THAP12: variants seen among roughly 807,000 people sequenced by gnomAD.
THAP12 encodes the protein THAP domain containing 12.
Under a neutral mutation model 63.0 loss-of-function variants are expected in THAP12, and 20 were observed. The observed-to-expected ratio is 0.32, with a 90% CI of 0.22 to 0.46. THAP12 has a LOEUF of 0.46. Among genes scored for constraint, THAP12 ranks in the 20% least tolerant of loss-of-function variants. THAP12 has a pLI of 1.00. For synonymous variants in THAP12, 264 were observed against 328.4 expected (o/e 0.80, Z 2.12); for missense variants, 568 against 908.2 (o/e 0.63, Z 4.81).
At chr11:76,365,213 T>A (rs1172959631) in intron 2 of THAP12, among the ~76,000 whole-genome samples, 2 of 140,410 alleles carry the variant, frequency 1.4e-5, no homozygotes, top group African/African-American at 5.4e-5. Context: ...GCCCAGGAGG[T>A]GGGGGAGGTG....
In THAP12 at chr11:76,355,652, A is replaced by G; in HGVS notation, c.321T>C (p.Ser107=). 6.3e-7 allele frequency: 1 copy of G among 1,592,736 alleles called. No homozygotes were observed. The highest frequency in any genetic ancestry group is 1.8e-5 in the Admixed American group (1 of 56,450). ...SRHRKRIKEL[S]EDEIRTLKQK... is the part of the protein sequence containing the mutation. ...GTTTCAGTGTCCTGATTTCATCTTC[A>G]CTCTAAATGTCAAGAAAAAAAAAGA... is the stretch of plus-strand genomic sequence containing the variant. Residue 107 remains serine (S), a splice_region_variant and synonymous_variant, in exon 4 of 5, where the codon AGT becomes AGC. Transcript: ENST00000260045.
At position 76,350,683 on chromosome 11, in the gene THAP12, A is replaced by T; in HGVS notation, c.*181T>A. ...TTTCAACGTTCTCTTCTGGAAGAAC[A>T]GGTAGGTCTTCAAAGCTTGAGAGTT... On this transcript the variant is annotated 3_prime_UTR_variant, in exon 5 of 5. Transcript: ENST00000260045. 1.9e-6 allele frequency: 1 copy of T among 522,138 alleles called. No individual in the cohort carries two copies. Among genetic ancestry groups the T allele is most frequent in the Non-Finnish European group, 3.1e-6 (1 of 326,890 alleles). 32.3% of individuals were successfully genotyped at this position (522,138 alleles called of 1,614,324 possible). A position where few individuals can be genotyped will look rare whatever the true frequency, so the allele number is the denominator to read the frequency against.
At chr11:76,369,366 A>C (rs1422638275) in intron 1 of THAP12, among the ~76,000 whole-genome samples, 3 of 152,258 alleles carry the variant, frequency 2.0e-5, no homozygotes, top group African/African-American at 7.2e-5. Flanking sequence ...TCACAAACGT[A>C]ATGTTAAGCA....
chr11:76,375,047 T>C (rs956894824), intron 1 of THAP12, among the ~76,000 whole-genome samples: 1 of 152,198 alleles, frequency 6.6e-6, no homozygotes, highest in Non-Finnish European at 1.5e-5. Context: ...TGTTTAAAAA[T>C]CACCTAGTCT....
intron 3 of THAP12, 92 bp downstream of exon 3, chr11:76,360,864 G>A (rs1565232755): frequency 1.2e-6 from 1 of 843,104 alleles, no homozygotes. Flanking sequence ...GAAATAGAGA[G>A]TAATTTGGAT....
intron 3 of THAP12, chr11:76,357,013 G>C (rs1946565938): frequency 6.6e-6 from 1 of 151,438 alleles, no homozygotes; most frequent in Non-Finnish European, 1.5e-5. Context: ...TTGCACTCCA[G>C]CCTGGGCAAC....
At chr11:76,358,459 G>A (rs1353328974) in intron 3 of THAP12, 1 of 152,144 alleles carries the variant, frequency 6.6e-6, no homozygotes, top group Admixed American at 6.5e-5. Flanking sequence ...TGAAAAAAAT[G>A]AACTTGTCTA....
chr11:76,371,815 T>C (rs1055734592), intron 1 of THAP12, among the ~76,000 whole-genome samples: 11 of 142,160 alleles, frequency 7.7e-5, no homozygotes, highest in Admixed American at 1.4e-4. Flanking sequence ...CTTTTCTTTT[T>C]TTTTTTTTTT....
chr11:76,365,939 T>C lies in THAP12; in HGVS notation c.123A>G (p.Ala41=). ...CQKWVENCRR[A]DLEDKTPDQL... Reference sequence around the variant, plus strand: ...GATCAGGTGTTTTATCTTCTAAGTCTGCTCTCCTACAGTTCTCCACCCACT... The same window carrying C: ...GATCAGGTGTTTTATCTTCTAAGTCCGCTCTCCTACAGTTCTCCACCCACT... The change falls in exon 2 of 5, where the codon GCA becomes GCG. Residue 41 remains alanine, a synonymous_variant. Coordinates refer to ENST00000260045, the MANE Select transcript of THAP12 (RefSeq NM_004705.4). The C allele has an allele frequency of 1.2e-6, 2 of 1,613,692 alleles. No homozygotes were observed. The highest frequency in any genetic ancestry group is 1.1e-5 in the South Asian group (1 of 91,058).
At chr11:76,357,756 T>G (rs577641027) in intron 3 of THAP12, 1 of 152,128 alleles carries the variant, frequency 6.6e-6, no homozygotes, top group East Asian at 1.9e-4. Context: ...AGAAAAACAA[T>G]CCTATGTTAA....
intron 2 of THAP12, among the ~76,000 whole-genome samples, chr11:76,363,757 T>A (rs4944105): frequency 0.36 from 54,878 of 151,684 alleles, 10,186 homozygotes; most frequent in Non-Finnish European, 0.41. Flanking sequence ...CCCAGCAAAA[T>A]TTTTTTTGTT....
At chr11:76,376,613 ATGTTTTTTT>A (rs1327245024) in intron 1 of THAP12, among the ~76,000 whole-genome samples, 5 of 104,268 alleles carry the variant, frequency 4.8e-5, no homozygotes, top group Middle Eastern at 5.9e-3. Flanking sequence ...AATTGTGTCT[ATGTTTTTTT>A]TGTTTTTTTT....
intron 3 of THAP12, 132 bp downstream of exon 3, chr11:76,360,824 A>G (rs1035195896): frequency 4.5e-6 from 3 of 666,474 alleles, no homozygotes; most frequent in South Asian, 1.9e-5. Flanking sequence ...TTTAACAACC[A>G]TAACATTTAT....
chr11:76,374,253 T>C (rs747706216), intron 1 of THAP12, among the ~76,000 whole-genome samples: 2 of 152,202 alleles, frequency 1.3e-5, no homozygotes, highest in African/African-American at 2.4e-5. Context: ...CATGCCCTAG[T>C]ACATAAAAAA....
chr11:76,353,995 T>A (rs1362229367), intron 4 of THAP12, among the ~76,000 whole-genome samples: 1 of 152,050 alleles, frequency 6.6e-6, no homozygotes, highest in Non-Finnish European at 1.5e-5. Flanking sequence ...GGCAACAGAG[T>A]GAGACTCCGT....
rs1051151941 is a variant in THAP12, at chr11:76,357,789, A to G, written c.319-2135T>C. 4 of 152,190 alleles carry G rather than the reference A, an allele frequency of 2.6e-5. No homozygotes were observed. The South Asian group carries it at 8.3e-4, about 31-fold the overall frequency. 9.4% of individuals were successfully genotyped at this position (152,190 alleles called of 1,614,324 possible). ...TAACAAAATAGAGAAATTACAAAAT[A>G]CCTACAGCCAGACATGACAACACTA... On this transcript the variant is annotated intron_variant, in intron 3 of 4. Transcript: ENST00000260045.
chr11:76,369,085 A>T (rs892312408), intron 1 of THAP12, among the ~76,000 whole-genome samples: 1 of 152,212 alleles, frequency 6.6e-6, no homozygotes, highest in Non-Finnish European at 1.5e-5. Context: ...AGGGGCCTTG[A>T]ACAGGCACTT....
chr11:76,367,753 AT>A (rs996101603), intron 1 of THAP12, among the ~76,000 whole-genome samples: 46 of 150,052 alleles, frequency 3.1e-4, no homozygotes, highest in African/African-American at 9.3e-4. Context: ...AAATCACAGT[AT>A]TTTTTTTTTA....
At chr11:76,364,615 TAA>T (rs1044267193) in intron 2 of THAP12, among the ~76,000 whole-genome samples, 3 of 152,214 alleles carry the variant, frequency 2.0e-5, no homozygotes, top group Non-Finnish European at 4.4e-5. Flanking sequence ...CACAGAGGGT[TAA>T]AAATCTTAGA....
Sources: gnomAD v4.1 joint callset for allele counts (sites outside exome capture counted in the v4.1 genomes callset) on GRCh38, gnomAD v4.1.1 for gene constraint, MANE v1.5 for transcripts, NCBI Gene and HGNC (gene_info 2026-07-23, HGNC 2026-07-21) for gene names.